ATOSA: variants seen among roughly 807,000 people sequenced by gnomAD.
ATOSA encodes atos homolog protein A.
chr15:52,622,426 T>A, the ATOSA span, among the ~76,000 whole-genome samples: 14 of 152,274 alleles, frequency 9.2e-5, no homozygotes, highest in African/African-American at 3.4e-4. Context: ...TCAGTTAACA[T>A]AACCACTATG....
At chr15:52,618,514 G>A in the ATOSA span, among the ~76,000 whole-genome samples, 38 of 152,128 alleles carry the variant, frequency 2.5e-4, 1 homozygote, top group Admixed American at 2.5e-3. Context: ...AAAGTGCAAT[G>A]AGAGAGTGAA....
chr15:52,674,957 AT>A, the ATOSA span, among the ~76,000 whole-genome samples: 1 of 152,002 alleles, frequency 6.6e-6, no homozygotes, highest in East Asian at 1.9e-4. Flanking sequence ...GCACGGTCAT[AT>A]TTCATTCTAA....
the ATOSA span, among the ~76,000 whole-genome samples, chr15:52,624,780 A>T: frequency 3.9e-4 from 56 of 142,008 alleles, no homozygotes; most frequent in African/African-American, 1.2e-3. Flanking sequence ...GTACCTGCTT[A>T]TTTTTTTTTT....
chr15:52,618,711 G>T, the ATOSA span, among the ~76,000 whole-genome samples: 1 of 152,230 alleles, frequency 6.6e-6, no homozygotes, highest in South Asian at 2.1e-4. Context: ...TAGAGACAGG[G>T]TCTTGCTTTG....
the ATOSA span, among the ~76,000 whole-genome samples, chr15:52,652,276 A>G: frequency 6.6e-6 from 1 of 152,236 alleles, no homozygotes; most frequent in Non-Finnish European, 1.5e-5. Flanking sequence ...TTTGCCCCTG[A>G]AATGTGTTTC....
At chr15:52,583,429 G>A in the ATOSA span, among the ~76,000 whole-genome samples, 10 of 143,710 alleles carry the variant, frequency 7.0e-5, no homozygotes, top group South Asian at 2.2e-4. Context: ...TCATGTGAGA[G>A]TCTTGCTCCT....
At chr15:52,637,517 C>T in the ATOSA span, among the ~76,000 whole-genome samples, 1 of 152,116 alleles carries the variant, frequency 6.6e-6, no homozygotes, top group East Asian at 1.9e-4. Flanking sequence ...TAAATTGTAC[C>T]TCCTAATAGC....
the ATOSA span, chr15:52,611,745 G>A: frequency 6.2e-7 from 1 of 1,613,980 alleles, no homozygotes. Context: ...ACAACAATGT[G>A]ACCTCAGACC....
chr15:52,639,083 C>CA, the ATOSA span, among the ~76,000 whole-genome samples: 2,276 of 82,630 alleles, frequency 0.028, 32 homozygotes, highest in African/African-American at 0.057. Context: ...GTCCCAAGAG[C>CA]AAAAAAAAAA....
the ATOSA span, chr15:52,651,993 T>C: frequency 6.5e-7 from 1 of 1,528,152 alleles, no homozygotes; most frequent in South Asian, 1.2e-5. Context: ...TCTGCAGCGG[T>C]TAAAACAAAT....
At chr15:52,695,753 G>T in the ATOSA span, among the ~76,000 whole-genome samples, 1 of 152,192 alleles carries the variant, frequency 6.6e-6, no homozygotes, top group Non-Finnish European at 1.5e-5. Context: ...GTCAGGGTAG[G>T]CGTCATTGGA....
the ATOSA span, among the ~76,000 whole-genome samples, chr15:52,683,244 T>C: frequency 1.3e-5 from 2 of 152,210 alleles, no homozygotes; most frequent in African/African-American, 4.8e-5. Context: ...GTGATAACTA[T>C]TTCTCAGATT....
the ATOSA span, among the ~76,000 whole-genome samples, chr15:52,610,638 A>G: frequency 6.6e-6 from 1 of 152,250 alleles, no homozygotes; most frequent in Admixed American, 6.5e-5. Flanking sequence ...CAAGAATATT[A>G]TAACTTAAAA....
the ATOSA span, among the ~76,000 whole-genome samples, chr15:52,631,133 T>C: frequency 6.6e-6 from 1 of 152,222 alleles, no homozygotes; most frequent in Non-Finnish European, 1.5e-5. Context: ...GTATATGCTC[T>C]TTGTAGCTAT....
the ATOSA span, among the ~76,000 whole-genome samples, chr15:52,583,404 C>CATTCATTA: frequency 6.6e-6 from 1 of 152,036 alleles, no homozygotes; most frequent in East Asian, 1.9e-4. Context: ...TTCATTCATT[C>CATTCATTA]ATTCATTCAT....
At chr15:52,690,785 G>C in the ATOSA span, among the ~76,000 whole-genome samples, 1 of 152,172 alleles carries the variant, frequency 6.6e-6, no homozygotes, top group Non-Finnish European at 1.5e-5. Context: ...TCCTCATCCT[G>C]AGTAAAAGAT....
At chr15:52,637,265 G>A in the ATOSA span, among the ~76,000 whole-genome samples, 2 of 152,092 alleles carry the variant, frequency 1.3e-5, no homozygotes, top group Non-Finnish European at 2.9e-5. Context: ...GAAATCTTCT[G>A]TTCTATGGCA....
At chr15:52,610,266 C>T in the ATOSA span, 1 of 1,613,942 alleles carries the variant, frequency 6.2e-7, no homozygotes, top group Admixed American at 1.7e-5. Context: ...ATTGTCTGGG[C>T]AAGGACTGAA....
the ATOSA span, among the ~76,000 whole-genome samples, chr15:52,625,769 C>A: frequency 6.6e-6 from 1 of 152,130 alleles, no homozygotes; most frequent in Admixed American, 6.5e-5. Context: ...TCATGTAAAA[C>A]CCAAACATTC....
Sources: allele counts gnomAD v4.1 joint callset (sites outside exome capture counted in the v4.1 genomes callset), GRCh38; gene constraint gnomAD v4.1.1; transcripts MANE v1.5; gene names NCBI Gene and HGNC (gene_info 2026-07-23, HGNC 2026-07-21).